Variants in CADM2 observed in about 807,000 individuals in gnomAD.
CADM2 encodes the protein cell adhesion molecule 2.
CADM2 carries 12 observed loss-of-function variants against 49.8 expected under a neutral mutation model. That is an observed-to-expected ratio of 0.24 (90% confidence interval 0.15 to 0.39). The LOEUF (loss-of-function observed/expected upper bound fraction) is 0.39, where lower values mean the gene tolerates loss of function less well. Ranked by LOEUF, CADM2 falls within the 10% of genes least tolerant of loss-of-function variation. The probability of loss-of-function intolerance (pLI) is 1.00; values close to 1 mark genes in which losing one functional copy is unlikely to be tolerated. For synonymous variants in CADM2, 214 were observed against 175.4 expected, an observed-to-expected ratio of 1.22 and a Z score of -1.74; for missense variants, 378 against 492.3, an observed-to-expected ratio of 0.77 and a Z score of 2.20.
chr3:85,622,458 T>G (rs369434574), intron 1 of CADM2, among the ~76,000 whole-genome samples: 1 of 152,170 alleles, frequency 6.6e-6, no homozygotes, highest in African/African-American at 2.4e-5. Context: ...TTAATGAACT[T>G]GTGATAATAG....
At chr3:85,072,894 T>C (rs970557344) in intron 1 of CADM2, among the ~76,000 whole-genome samples, 1 of 152,104 alleles carries the variant, frequency 6.6e-6, no homozygotes, top group African/African-American at 2.4e-5. Context: ...TCATGTTGTT[T>C]ATTGAATCAT....
chr3:85,117,476 T>C (rs1301768094), intron 1 of CADM2, among the ~76,000 whole-genome samples: 39 of 152,158 alleles, frequency 2.6e-4, no homozygotes, highest in Admixed American at 2.6e-3. Flanking sequence ...TCATGAGCCA[T>C]CAATTATGGA....
chr3:86,053,884 T>C lies in CADM2; in HGVS notation c.971-11721T>C, dbSNP rs914351998. On this transcript the variant is annotated intron_variant, in intron 8 of 9. Coordinates refer to ENST00000383699, the MANE Select transcript of CADM2 (RefSeq NM_001167675.2). Reference sequence around the variant, plus strand: ...AATAAATATGAACTATTATATTTTATGGGACAAGTATTGTACTAAAACTTT... The same window carrying C: ...AATAAATATGAACTATTATATTTTACGGGACAAGTATTGTACTAAAACTTT... 3.9e-5 allele frequency among the ~76,000 whole-genome samples: 6 copies of C among 152,250 alleles called. No homozygotes were observed. In the South Asian group the frequency reaches 1.2e-3, roughly 32 times the overall value.
intron 1 of CADM2, among the ~76,000 whole-genome samples, chr3:85,170,401 C>T (rs965099636): frequency 1.3e-5 from 2 of 150,594 alleles, no homozygotes; most frequent in Non-Finnish European, 2.9e-5. Context: ...TGCAGTGGCG[C>T]GATCTCAGCT....
chr3:85,552,838 A>AG (rs1386604691), intron 1 of CADM2, among the ~76,000 whole-genome samples: 1 of 151,404 alleles, frequency 6.6e-6, no homozygotes, highest in Non-Finnish European at 1.5e-5. Context: ...CACCACGCCC[A>AG]GCAAATTTTT....
intron 1 of CADM2, among the ~76,000 whole-genome samples, chr3:85,694,278 G>A (rs2066482059): frequency 6.6e-6 from 1 of 152,154 alleles, no homozygotes; most frequent in African/African-American, 2.4e-5. Context: ...AGGACCTTTA[G>A]GAGGAAATTA....
At chr3:85,654,712 C>G (rs1379834761) in intron 1 of CADM2, among the ~76,000 whole-genome samples, 1 of 152,040 alleles carries the variant, frequency 6.6e-6, no homozygotes, top group East Asian at 1.9e-4. Context: ...TTCTTTTTCC[C>G]CATGCATATT....
intron 1 of CADM2, among the ~76,000 whole-genome samples, chr3:85,587,902 C>T (rs1202280902): frequency 6.6e-6 from 1 of 151,874 alleles, no homozygotes; most frequent in Non-Finnish European, 1.5e-5. Flanking sequence ...GCGTCACCAT[C>T]CTCAACTAGG....
chr3:85,715,436 A>G (rs1406670897), intron 1 of CADM2, among the ~76,000 whole-genome samples: 1 of 152,234 alleles, frequency 6.6e-6, no homozygotes, highest in African/African-American at 2.4e-5. Context: ...AGAACAAAAC[A>G]TTAGAACACC....
chr3:85,256,023 G>A (rs1576222237), intron 1 of CADM2, among the ~76,000 whole-genome samples: 1 of 151,876 alleles, frequency 6.6e-6, no homozygotes, highest in South Asian at 2.1e-4. Flanking sequence ...GAATCAATAC[G>A]CATCATCATA....
At chr3:85,516,973 G>C (rs2060919484) in intron 1 of CADM2, among the ~76,000 whole-genome samples, 2 of 151,190 alleles carry the variant, frequency 1.3e-5, no homozygotes, top group South Asian at 4.2e-4. Flanking sequence ...GTTTTCTATT[G>C]TTCCTTTGAA....
intron 1 of CADM2, among the ~76,000 whole-genome samples, chr3:85,526,658 T>A (rs1313312650): frequency 6.6e-6 from 1 of 152,152 alleles, no homozygotes; most frequent in Non-Finnish European, 1.5e-5. Context: ...AAGTTTTTAT[T>A]GAAGACCAAA....
chr3:85,672,835 G>T (rs947434368), intron 1 of CADM2, among the ~76,000 whole-genome samples: 1 of 152,148 alleles, frequency 6.6e-6, no homozygotes, highest in African/African-American at 2.4e-5. Context: ...AAAATGCACA[G>T]ATTTTTCATT....
In CADM2 at chr3:85,030,207, A is replaced by C. The variant is rs536807416; in HGVS notation, c.61+70539A>C. On this transcript the variant is annotated intron_variant, in intron 1 of 9. Transcript: ENST00000383699. ...TTTCGCCTCTTGAAACACTTAGACA[A>C]TTCATTGCTCCCTCCTATTCTAGTC... Among the ~76,000 whole-genome samples the C allele has an allele frequency of 5.3e-5, 8 of 152,118 alleles. No homozygotes were observed. In the South Asian group the frequency reaches 1.7e-3, roughly 31 times the overall value.
chr3:85,611,702 G>A (rs2107452943), intron 1 of CADM2, among the ~76,000 whole-genome samples: 1 of 99,520 alleles, frequency 1.0e-5, no homozygotes. Flanking sequence ...ACTCACCAGA[G>A]GAATACTTTT....
intron 1 of CADM2, among the ~76,000 whole-genome samples, chr3:85,648,921 C>T (rs2064966571): frequency 6.6e-6 from 1 of 151,562 alleles, no homozygotes; most frequent in East Asian, 1.9e-4. Flanking sequence ...TTTTTTTCCT[C>T]CCACAGTGGA....
At chr3:85,324,300 C>A (rs2044691255) in intron 1 of CADM2, among the ~76,000 whole-genome samples, 1 of 152,156 alleles carries the variant, frequency 6.6e-6, no homozygotes, top group Non-Finnish European at 1.5e-5. Flanking sequence ...ATGTTTAAAT[C>A]ATTTGTGCAT....
At chr3:85,247,645 T>C (rs916656641) in intron 1 of CADM2, among the ~76,000 whole-genome samples, 5 of 152,186 alleles carry the variant, frequency 3.3e-5, no homozygotes, top group African/African-American at 9.6e-5. Flanking sequence ...ATTTAGGAGC[T>C]GCGAATTGAC....
intron 2 of CADM2, among the ~76,000 whole-genome samples, chr3:85,738,243 A>G (rs779311471): frequency 6.6e-6 from 1 of 152,204 alleles, no homozygotes; most frequent in Non-Finnish European, 1.5e-5. Flanking sequence ...ATATCTGTGT[A>G]TATTAGACAC....
Sources: gnomAD v4.1 joint callset for allele counts (sites outside exome capture counted in the v4.1 genomes callset) on GRCh38, gnomAD v4.1.1 for gene constraint, MANE v1.5 for transcripts, NCBI Gene and HGNC (gene_info 2026-07-23, HGNC 2026-07-21) for gene names.